TSPAN15: variants seen among roughly 807,000 people sequenced by gnomAD.
The protein encoded by TSPAN15 is tetraspanin 15, also known as tetraspanin-15.
A neutral mutation model predicts 34.5 loss-of-function variants in TSPAN15; 20 were observed. The observed-to-expected ratio is 0.58, with a 90% CI of 0.41 to 0.84. TSPAN15 has a LOEUF of 0.84. Among genes scored for constraint, TSPAN15 ranks in the 40% least tolerant of loss-of-function variants. The pLI is 0.00. For missense variants in TSPAN15, 313 were observed against 386.1 expected, an observed-to-expected ratio of 0.81 and a Z score of 1.59; for synonymous variants, 155 against 153.9, an observed-to-expected ratio of 1.01 and a Z score of -0.05.
chr10:69,454,525 AAT>A (rs1386660123), intron 1 of TSPAN15, among the ~76,000 whole-genome samples: 2 of 151,994 alleles, frequency 1.3e-5, no homozygotes, highest in Admixed American at 6.6e-5. Context: ...TAAAAAAAAA[AAT>A]TACTATTGAC....
chr10:69,520,970 C>A, the TSPAN15 span, among the ~76,000 whole-genome samples: 3 of 144,406 alleles, frequency 2.1e-5, no homozygotes, highest in Non-Finnish European at 4.5e-5. Context: ...TTCTCCACAC[C>A]CTTGCCAACA....
In TSPAN15 at chr10:69,485,353, G is replaced by A. The variant is rs1281711342; in HGVS notation, c.357+138G>A. ...TCATTCTGCTGAAAGAGAATGACAG[G>A]CACTGAACAAGTAAAGCAGCGACTA... On this transcript the variant is annotated intron_variant, in intron 3 of 7. Coordinates refer to ENST00000373290, the MANE Select transcript of TSPAN15 (RefSeq NM_012339.5). 5.1e-6 allele frequency: 4 copies of A among 778,576 alleles called. No homozygotes were observed. The Admixed American group carries it at 8.2e-5, about 16-fold the overall frequency. 48.2% of individuals were successfully genotyped at this position (778,576 alleles called of 1,614,324 possible). A position where few individuals can be genotyped will look rare whatever the true frequency, so the allele number is the denominator to read the frequency against.
chr10:69,483,488 T>C (rs1320494342), intron 1 of TSPAN15, among the ~76,000 whole-genome samples: 2 of 152,206 alleles, frequency 1.3e-5, no homozygotes, highest in African/African-American at 2.4e-5. Context: ...TCTCCAAATA[T>C]AGTCACATTT....
the TSPAN15 span, among the ~76,000 whole-genome samples, chr10:69,515,318 T>C: frequency 6.6e-6 from 1 of 152,154 alleles, no homozygotes; most frequent in Admixed American, 6.5e-5. Flanking sequence ...TATCCACCAC[T>C]CTAGCCTCAG....
At chr10:69,539,523 G>T in the TSPAN15 span, among the ~76,000 whole-genome samples, 1 of 115,608 alleles carries the variant, frequency 8.6e-6, no homozygotes, top group East Asian at 2.3e-4. Context: ...AGAAGAAGAA[G>T]AAGAAGAAGA....
the TSPAN15 span, among the ~76,000 whole-genome samples, chr10:69,518,455 C>G: frequency 6.6e-6 from 1 of 152,176 alleles, no homozygotes; most frequent in Admixed American, 6.5e-5. Flanking sequence ...GACAGAATCT[C>G]GCTCTGTCAC....
chr10:69,538,541 G>A, the TSPAN15 span, among the ~76,000 whole-genome samples: 2 of 152,232 alleles, frequency 1.3e-5, no homozygotes, highest in African/African-American at 4.8e-5. Flanking sequence ...GCCTTGAAGG[G>A]AAGTAACAAC....
At chr10:69,522,763 C>A in the TSPAN15 span, among the ~76,000 whole-genome samples, 6 of 147,760 alleles carry the variant, frequency 4.1e-5, 1 homozygote, top group Non-Finnish European at 8.9e-5. Flanking sequence ...TTCCATCCAA[C>A]CCCCATTCAT....
At chr10:69,464,229 A>G (rs1160306836) in intron 1 of TSPAN15, among the ~76,000 whole-genome samples, 3 of 152,198 alleles carry the variant, frequency 2.0e-5, no homozygotes, top group African/African-American at 7.2e-5. Flanking sequence ...AAGCCACCCC[A>G]TTTGTGGTCA....
At chr10:69,508,700 G>A (rs892301051), downstream of TSPAN15, among the ~76,000 whole-genome samples, 13 of 152,168 alleles carry the variant, frequency 8.5e-5, no homozygotes, top group African/African-American at 2.4e-4. Context: ...TAATCCTCAC[G>A]ACTAGGGTAA....
intron 4 of TSPAN15, among the ~76,000 whole-genome samples, chr10:69,497,923 A>G (rs1842120899): frequency 6.6e-6 from 1 of 151,950 alleles, no homozygotes; most frequent in South Asian, 2.1e-4. Flanking sequence ...GGTCTCTGGG[A>G]CTTTAAGGGC....
intron 5 of TSPAN15, among the ~76,000 whole-genome samples, chr10:69,500,658 C>T (rs1026924845): frequency 2.8e-4 from 43 of 152,156 alleles, no homozygotes; most frequent in African/African-American, 9.7e-4. Flanking sequence ...GTCTTTTGTT[C>T]TGTTCAGGCC....
rs555105334 is a variant in TSPAN15, at chr10:69,498,325, C to T, written c.499C>T (p.Gln167Ter). ...GGACTACCGAGATTGGAGCAAGAAT[C>T]AGTACCACGACTGCAGTGCCCCTGG... ...GEDYRDWSKN[Q>*]YHDCSAPGPL... The change falls in exon 5 of 8, where the codon CAG (glutamine) becomes TAG (stop). Residue 167 changes from glutamine (Q) to a stop codon, truncating the protein, a stop_gained. Coordinates refer to ENST00000373290, the MANE Select transcript of TSPAN15 (RefSeq NM_012339.5). LOFTEE classifies it high-confidence loss of function. 6.2e-7 allele frequency: 1 copy of T among 1,613,962 alleles called. No homozygotes were observed. Among genetic ancestry groups the T allele is most frequent in the South Asian group, 1.1e-5 (1 of 91,058 alleles).
chr10:69,498,158 C>T (rs1842125457), intron 4 of TSPAN15, 122 bp from the exon 5 acceptor site: 3 of 818,288 alleles, frequency 3.7e-6, no homozygotes, highest in Admixed American at 4.0e-5. Context: ...TGTACAGCCT[C>T]TCCCTGCCCC....
chr10:69,457,240 G>A (rs1045286101), intron 1 of TSPAN15, among the ~76,000 whole-genome samples: 1 of 152,216 alleles, frequency 6.6e-6, no homozygotes, highest in African/African-American at 2.4e-5. Flanking sequence ...CCTGGGGCCT[G>A]TGCACACAGT....
intron 3 of TSPAN15, among the ~76,000 whole-genome samples, chr10:69,486,222 T>A (rs747005586): frequency 4.6e-5 from 7 of 152,142 alleles, no homozygotes; most frequent in Non-Finnish European, 1.0e-4. Context: ...CAGGGCTCCA[T>A]CTTTCCTCCC....
chr10:69,493,458 C>T (rs553497746), intron 3 of TSPAN15, among the ~76,000 whole-genome samples: 11 of 150,380 alleles, frequency 7.3e-5, no homozygotes, highest in East Asian at 2.0e-4. Flanking sequence ...CCAGTTTCTC[C>T]GAGCCCATCT....
intron 5 of TSPAN15, among the ~76,000 whole-genome samples, chr10:69,501,973 C>A (rs1171169699): frequency 6.6e-6 from 1 of 152,016 alleles, no homozygotes; most frequent in Non-Finnish European, 1.5e-5. Context: ...CACCATCACC[C>A]CCCACCCCCC....
intron 1 of TSPAN15, among the ~76,000 whole-genome samples, chr10:69,452,825 C>A (rs1159986261): frequency 4.6e-5 from 7 of 152,168 alleles, no homozygotes; most frequent in Non-Finnish European, 1.0e-4. Context: ...TCACTGACAC[C>A]CCATTCCCAC....
Sources: allele counts gnomAD v4.1 joint callset (sites outside exome capture counted in the v4.1 genomes callset), GRCh38; gene constraint gnomAD v4.1.1; transcripts MANE v1.5; gene names NCBI Gene and HGNC (gene_info 2026-07-23, HGNC 2026-07-21).